SLC35F1: variants seen among roughly 807,000 people sequenced by gnomAD.
SLC35F1 encodes solute carrier family 35 member F1, also known as chromosome 6 open reading frame 169.
In SLC35F1, 14 loss-of-function variants were observed where a neutral mutation model predicts 48.7. The ratio of observed to expected loss-of-function variants is 0.29; its 90% CI spans 0.19 to 0.45. SLC35F1 has a LOEUF of 0.45. Ranked by LOEUF, SLC35F1 falls within the 20% of genes least tolerant of loss-of-function variation. The pLI, the probability that SLC35F1 is intolerant of heterozygous loss-of-function variation, is 1.00. For synonymous variants in SLC35F1, 190 were observed against 202.2 expected (o/e 0.94, Z 0.51); for missense variants, 404 against 500.0 (o/e 0.81, Z 1.83).
chr6:118,115,974 GATTTAATATA>G, intron 1 of SLC35F1, among the ~76,000 whole-genome samples: 1 of 152,244 alleles, frequency 6.6e-6, no homozygotes, highest in Middle Eastern at 3.4e-3. Flanking sequence ...TTTATTTGAA[GATTTAATATA>G]GATCTGTTCG....
chr6:118,041,220 G>A (rs912259033), intron 1 of SLC35F1, among the ~76,000 whole-genome samples: 1 of 152,214 alleles, frequency 6.6e-6, no homozygotes, highest in East Asian at 1.9e-4. Context: ...GATTTATAAA[G>A]GAGGTTGAAT....
intron 1 of SLC35F1, among the ~76,000 whole-genome samples, chr6:118,016,927 T>C (rs1047428915): frequency 2.0e-5 from 3 of 152,228 alleles, no homozygotes; most frequent in African/African-American, 7.2e-5. Flanking sequence ...CAAAAAATCC[T>C]CTTGTGGTGA....
intron 2 of SLC35F1, among the ~76,000 whole-genome samples, chr6:118,167,889 T>C (rs150244011): frequency 6.9e-4 from 105 of 152,330 alleles, no homozygotes; most frequent in African/African-American, 2.1e-3. Context: ...AACATCGTTA[T>C]ACAGCACATA....
At chr6:118,293,047 A>G (rs72965702) in intron 7 of SLC35F1, among the ~76,000 whole-genome samples, 6,622 of 152,270 alleles carry the variant, frequency 0.043, 194 homozygotes, top group Non-Finnish European at 0.066. Flanking sequence ...AGAGACTGAC[A>G]TGGAGGCTTT....
intron 1 of SLC35F1, among the ~76,000 whole-genome samples, chr6:117,952,448 C>G (rs1776374481): frequency 6.6e-6 from 1 of 152,100 alleles, no homozygotes; most frequent in Non-Finnish European, 1.5e-5. Flanking sequence ...AAGTATAATT[C>G]TGTTAAAATA....
chr6:118,155,486 G>C (rs760265231), intron 2 of SLC35F1, among the ~76,000 whole-genome samples: 7 of 152,166 alleles, frequency 4.6e-5, no homozygotes, highest in Admixed American at 6.5e-5. Flanking sequence ...GCTCTCTCAT[G>C]TGTGCTCTTG....
At chr6:117,973,580 TA>T (rs1776670122) in intron 1 of SLC35F1, among the ~76,000 whole-genome samples, 2 of 151,932 alleles carry the variant, frequency 1.3e-5, no homozygotes, top group South Asian at 2.1e-4. Flanking sequence ...TTTTAATATA[TA>T]TTTTTTTGAG....
At chr6:118,114,772 A>G (rs192662132) in intron 1 of SLC35F1, among the ~76,000 whole-genome samples, 24 of 152,208 alleles carry the variant, frequency 1.6e-4, no homozygotes, top group Non-Finnish European at 2.6e-4. Flanking sequence ...TTTTATTGCC[A>G]GCATGGTTCT....
At chr6:118,222,985 G>T (rs1775170341) in intron 2 of SLC35F1, among the ~76,000 whole-genome samples, 2 of 152,158 alleles carry the variant, frequency 1.3e-5, no homozygotes, top group Non-Finnish European at 2.9e-5. Flanking sequence ...TGTATTTAAT[G>T]ATGATAATCT....
intron 7 of SLC35F1, among the ~76,000 whole-genome samples, chr6:118,297,766 A>T (rs1582776594): frequency 1.0e-5 from 1 of 100,102 alleles, no homozygotes; most frequent in South Asian, 3.1e-4. Flanking sequence ...TATATATATA[A>T]TATATATATA....
chr6:118,035,847 C>A (rs9320632), intron 1 of SLC35F1, among the ~76,000 whole-genome samples: 2 of 150,680 alleles, frequency 1.3e-5, no homozygotes, highest in Non-Finnish European at 3.0e-5. Flanking sequence ...CCCCCAACCA[C>A]GCCCGGCTAA....
At chr6:117,931,508 G>C (rs184133855) in intron 1 of SLC35F1, among the ~76,000 whole-genome samples, 2 of 152,266 alleles carry the variant, frequency 1.3e-5, no homozygotes, top group East Asian at 3.9e-4. Context: ...ATTTAACCTT[G>C]TCATGTTAAT....
chr6:118,293,299 G>A (rs1776146955), intron 7 of SLC35F1, among the ~76,000 whole-genome samples: 1 of 152,276 alleles, frequency 6.6e-6, no homozygotes, highest in East Asian at 1.9e-4. Context: ...GTTGGTTCTG[G>A]AGGCTCTAGG....
intron 1 of SLC35F1, among the ~76,000 whole-genome samples, chr6:118,072,345 A>G (rs1168032541): frequency 6.6e-6 from 1 of 152,078 alleles, no homozygotes; most frequent in Non-Finnish European, 1.5e-5. Context: ...CGGGTGGATC[A>G]TGAGGTCAGG....
intron 2 of SLC35F1, among the ~76,000 whole-genome samples, chr6:118,168,395 A>G (rs965960352): frequency 6.6e-6 from 1 of 152,200 alleles, no homozygotes; most frequent in African/African-American, 2.4e-5. Flanking sequence ...ATACAGGAAT[A>G]CCTATGGTAA....
chr6:118,243,889 G>A (rs540316042), intron 3 of SLC35F1, among the ~76,000 whole-genome samples: 1 of 152,140 alleles, frequency 6.6e-6, no homozygotes, highest in African/African-American at 2.4e-5. Flanking sequence ...CTATTCAAAC[G>A]ATATTCTTAA....
At chr6:118,060,869 T>C (rs1242380652) in intron 1 of SLC35F1, among the ~76,000 whole-genome samples, 3 of 152,230 alleles carry the variant, frequency 2.0e-5, no homozygotes, top group Admixed American at 1.3e-4. Flanking sequence ...AGCTTGTCCA[T>C]AGTTGCCCAA....
intron 1 of SLC35F1, among the ~76,000 whole-genome samples, chr6:118,054,725 A>G (rs182263312): frequency 4.6e-5 from 7 of 152,146 alleles, no homozygotes; most frequent in Non-Finnish European, 5.9e-5. Flanking sequence ...TGTTTTCCCA[A>G]CTGTTGGAGA....
intron 7 of SLC35F1, among the ~76,000 whole-genome samples, chr6:118,293,077 G>C (rs1776144455): frequency 6.6e-6 from 1 of 152,124 alleles, no homozygotes; most frequent in South Asian, 2.1e-4. Flanking sequence ...GGGTGTGCTG[G>C]CTTTTCAAGG....
Sources: allele counts gnomAD v4.1 joint callset (sites outside exome capture counted in the v4.1 genomes callset), GRCh38; gene constraint gnomAD v4.1.1; transcripts MANE v1.5; gene names NCBI Gene and HGNC (gene_info 2026-07-23, HGNC 2026-07-21).